Variants in PYY observed in about 807,000 individuals in gnomAD.
PYY encodes the protein peptide YY.
In PYY, 12 loss-of-function variants were observed where a neutral mutation model predicts 10.3. The observed-to-expected ratio is 1.17, with a 90% CI of 0.75 to 1.89. PYY has a LOEUF of 1.89. Ranked by LOEUF, PYY falls within the 40% of genes most tolerant of loss-of-function variation. The pLI, the probability that PYY is intolerant of heterozygous loss-of-function variation, is 0.00. For synonymous variants in PYY, 66 were observed against 62.0 expected, an observed-to-expected ratio of 1.06 and a Z score of -0.30; for missense variants, 141 against 134.0, an observed-to-expected ratio of 1.05 and a Z score of -0.26.
chr17:43,952,865 G>C lies in PYY; in HGVS notation c.*91C>G, dbSNP rs1326165476. The C allele has an allele frequency of 2.8e-5, 39 of 1,390,298 alleles. No homozygotes were observed. The highest frequency in any genetic ancestry group is 3.9e-6 in the Non-Finnish European group (4 of 1,037,616). The allele number at this position is 1,390,298 out of a possible 1,614,324, so 86.1% of individuals were successfully genotyped here. ...CGAACCCTGCCCAGACGCCGCCGTC[G>C]GGAGGCAGAATCCGGGTTTCTGGGG... On this transcript the variant is annotated 3_prime_UTR_variant, in exon 4 of 4. Transcript: ENST00000692052.
At chr17:43,958,629 C>T (rs925306096), upstream of PYY, among the ~76,000 whole-genome samples, 7 of 152,238 alleles carry the variant, frequency 4.6e-5, no homozygotes, top group African/African-American at 1.7e-4. Context: ...ATCCGCCTGC[C>T]TTGGCCTCCC....
At chr17:43,953,553 C>G in intron 1 of PYY, 70 bp from the exon 2 acceptor site, 1 of 1,393,582 alleles carries the variant, frequency 7.2e-7, no homozygotes, top group Non-Finnish European at 9.6e-7. Context: ...CTGCGGCTGC[C>G]GTCGGGGCCG....
intron 1 of PYY, among the ~76,000 whole-genome samples, chr17:43,975,864 A>G (rs1163466135): frequency 0.066 from 834 of 12,614 alleles, 335 homozygotes; most frequent in Non-Finnish European, 0.16. Flanking sequence ...GTACGTGTAC[A>G]TACACGTGTC....
chr17:43,973,519 C>T (rs1350692526), intron 1 of PYY, among the ~76,000 whole-genome samples: 3 of 152,150 alleles, frequency 2.0e-5, no homozygotes, highest in Non-Finnish European at 2.9e-5. Context: ...CAAAGCTGGG[C>T]GTGGTTGCTC....
At chr17:43,976,309 GTATATACACA>G (rs2048844238) in intron 1 of PYY, among the ~76,000 whole-genome samples, 2 of 144,948 alleles carry the variant, frequency 1.4e-5, no homozygotes, top group East Asian at 2.0e-4. Flanking sequence ...ATACATATAC[GTATATACACA>G]TATACATGTA....
At chr17:43,997,445 C>T (rs1256652582) in intron 1 of PYY, among the ~76,000 whole-genome samples, 1 of 152,132 alleles carries the variant, frequency 6.6e-6, no homozygotes, top group Non-Finnish European at 1.5e-5. Context: ...CAGCCAGTGC[C>T]AAGGCAAAAG....
chr17:43,989,847 T>A (rs1215667414), intron 1 of PYY, among the ~76,000 whole-genome samples: 30 of 702 alleles, frequency 0.043, 11 homozygotes, highest in Admixed American at 0.089. Context: ...AAAAAAAATA[T>A]ATATATATAT....
At position 43,987,371 on chromosome 17, in the gene PYY, C is replaced by A. The variant is rs1404385959; in HGVS notation, c.-463+17020G>T. Among the ~76,000 whole-genome samples, 1 of 152,200 alleles carries A rather than the reference C, an allele frequency of 6.6e-6. No individual in the cohort carries two copies. The highest frequency in any genetic ancestry group is 2.4e-5 in the African/African-American group (1 of 41,436). On this transcript the variant is annotated intron_variant, in intron 1 of 6. Coordinates refer to the PYY transcript ENST00000360085. This position sits in a 1 kb window ranked among gnomAD's most constrained non-coding sequence, Gnocchi z 4.0. ...CAGGACTCTAGCCCTGTCTCCCCAG[C>A]CCTATTCCTCTGGGCCCAGCCCATC...
chr17:43,964,373 A>G (rs1234380492), intron 2 of PYY, among the ~76,000 whole-genome samples: 1 of 152,206 alleles, frequency 6.6e-6, no homozygotes, highest in Non-Finnish European at 1.5e-5. Context: ...TGAGGAATCT[A>G]CTAGAGAATA....
At chr17:43,973,818 A>T (rs2048811545) in intron 1 of PYY, among the ~76,000 whole-genome samples, 1 of 152,176 alleles carries the variant, frequency 6.6e-6, no homozygotes, top group South Asian at 2.1e-4. Flanking sequence ...ATAAGTATAT[A>T]AGAAAAACAA....
intron 1 of PYY, among the ~76,000 whole-genome samples, chr17:43,975,802 C>A (rs58306351): frequency 0.13 from 880 of 6,740 alleles, 224 homozygotes; most frequent in East Asian, 1. Flanking sequence ...ATACACGTGT[C>A]TACGTACGTG....
chr17:43,976,374 T>TAC (rs1339345371), intron 1 of PYY, among the ~76,000 whole-genome samples: 4 of 146,378 alleles, frequency 2.7e-5, no homozygotes, highest in Admixed American at 7.1e-5. Flanking sequence ...TATACGTATA[T>TAC]ACACATACAT....
intron 1 of PYY, among the ~76,000 whole-genome samples, chr17:44,000,674 G>A (rs207476417): frequency 3.4e-5 from 5 of 148,888 alleles, no homozygotes; most frequent in African/African-American, 7.4e-5. Flanking sequence ...TCAGCCTCCC[G>A]AGTAGCTGGG....
upstream of PYY, among the ~76,000 whole-genome samples, chr17:43,958,664 G>A (rs12944040): frequency 0.021 from 3,127 of 152,290 alleles, 105 homozygotes; most frequent in African/African-American, 0.072. Context: ...ACGAGTGTGA[G>A]CCACCACACC....
chr17:43,953,261 G>T (rs572524968), intron 2 of PYY, 35 bp downstream of exon 2: 2 of 1,607,960 alleles, frequency 1.2e-6, no homozygotes, highest in East Asian at 4.5e-5. Context: ...CGCAGGGTGA[G>T]AGCCCCAGGG....
At chr17:43,990,887 G>A (rs531090261) in intron 1 of PYY, among the ~76,000 whole-genome samples, 290 of 146,010 alleles carry the variant, frequency 2.0e-3, no homozygotes, top group Middle Eastern at 3.6e-3. Flanking sequence ...TTCGCCTCCC[G>A]GGTTCACGCC....
At chr17:43,960,308 C>T (rs2048702327) in intron 2 of PYY, among the ~76,000 whole-genome samples, 1 of 151,866 alleles carries the variant, frequency 6.6e-6, no homozygotes, top group Non-Finnish European at 1.5e-5. Context: ...TTTGGGAGGC[C>T]AAGGCGGGTG....
At chr17:43,976,608 C>T (rs1431561607) in intron 1 of PYY, among the ~76,000 whole-genome samples, 1 of 151,962 alleles carries the variant, frequency 6.6e-6, no homozygotes, top group Non-Finnish European at 1.5e-5. Flanking sequence ...CCCATCTCTA[C>T]TAAAAATACA....
intron 2 of PYY, among the ~76,000 whole-genome samples, chr17:43,960,872 A>G (rs1296647954): frequency 6.7e-6 from 1 of 149,156 alleles, no homozygotes; most frequent in Non-Finnish European, 1.5e-5. Flanking sequence ...AACGGTGTTC[A>G]TTACCCCACA....
Sources: gnomAD v4.1 joint callset for allele counts (sites outside exome capture counted in the v4.1 genomes callset) on GRCh38, gnomAD v4.1.1 for gene constraint, Gnocchi (gnomAD v3.1) non-coding constraint, MANE v1.5 for transcripts, NCBI Gene and HGNC (gene_info 2026-07-23, HGNC 2026-07-21) for gene names.